C3orf70: variants seen among roughly 807,000 people sequenced by gnomAD.
C3orf70 encodes the protein chromosome 3 open reading frame 70.
Under a neutral mutation model 20.7 loss-of-function variants are expected in C3orf70, and 15 were observed. The observed-to-expected ratio is 0.72, with a 90% CI of 0.48 to 1.11. The LOEUF is 1.11. C3orf70 is among the 50% of genes most tolerant of loss of function. The pLI is 0.00. For synonymous variants in C3orf70, 161 were observed against 125.7 expected, an observed-to-expected ratio of 1.28 and a Z score of -1.88; for missense variants, 332 against 317.6, an observed-to-expected ratio of 1.05 and a Z score of -0.34.
chr3:185,101,892 T>C (rs1429116968), intron 1 of C3orf70, among the ~76,000 whole-genome samples: 1 of 152,184 alleles, frequency 6.6e-6, no homozygotes, highest in Non-Finnish European at 1.5e-5. Context: ...TGTTAAAAAC[T>C]CTCAATTAAC....
rs1190236337 is a variant in C3orf70, at chr3:185,083,210, G to A, written c.550C>T (p.Pro184Ser). 1.2e-6 allele frequency: 2 copies of A among 1,614,196 alleles called. No individual in the cohort carries two copies. Among genetic ancestry groups the A allele is most frequent in the African/African-American group, 1.3e-5 (1 of 75,044 alleles). Residue 184 changes from proline to serine, a missense_variant, in exon 2 of 2, where the codon CCC becomes TCC. Physicochemically the swap from Pro to Ser is moderately conservative, Grantham distance 74 (BLOSUM62 -1). Coordinates refer to ENST00000335012, the MANE Select transcript of C3orf70 (RefSeq NM_001025266.3). ...NTPKIDHCSS[P>S]SSSEDSGINA... ...ATCCCAGAGTCCTCAGAACTTGAGG[G>A]AGAAGAGCAGTGATCTATTTTTGGT...
chr3:185,148,158 C>T (rs1053195779), intron 1 of C3orf70, among the ~76,000 whole-genome samples: 1 of 152,250 alleles, frequency 6.6e-6, no homozygotes, highest in African/African-American at 2.4e-5. Flanking sequence ...GGTGCTCACG[C>T]TTCATCACAG....
At chr3:185,139,182 G>A (rs1231270257) in intron 1 of C3orf70, among the ~76,000 whole-genome samples, 1 of 136,296 alleles carries the variant, frequency 7.3e-6, no homozygotes, top group Non-Finnish European at 1.7e-5. Flanking sequence ...GGAGGAGAAG[G>A]GGAGAGGGGG....
intron 1 of C3orf70, among the ~76,000 whole-genome samples, chr3:185,150,205 A>T (rs1357820818): frequency 6.6e-6 from 1 of 152,208 alleles, no homozygotes; most frequent in Non-Finnish European, 1.5e-5. Flanking sequence ...CATAACTAAC[A>T]AGTGCTCATT....
Position 185,083,495 on chromosome 3 carries a change from G to A in C3orf70, c.265C>T (p.Arg89Trp), listed in dbSNP as rs558605400. 3.1e-6 allele frequency: 5 copies of A among 1,613,688 alleles called. No homozygotes were observed. The highest frequency in any genetic ancestry group is 2.2e-5 in the South Asian group (2 of 90,940). Residue 89 changes from arginine to tryptophan, a missense_variant, in exon 2 of 2, where the codon CGG becomes TGG. By Grantham distance (101) the Arg-to-Trp change is moderately radical (BLOSUM62 -3). Transcript: ENST00000335012. ...LPSTEIPARP[R>W]EPTNTIQISV... ...ATCTGAATGGTGTTTGTGGGTTCCCGAGGCCTGGCAGGAATCTCAGTGCTT... is the reference window on the plus strand; with the variant it reads ...ATCTGAATGGTGTTTGTGGGTTCCCAAGGCCTGGCAGGAATCTCAGTGCTT...
At chr3:185,092,091 GC>G (rs1205388970) in intron 1 of C3orf70, among the ~76,000 whole-genome samples, 1 of 150,096 alleles carries the variant, frequency 6.7e-6, no homozygotes, top group Non-Finnish European at 1.5e-5. Context: ...GAGCCACTGT[GC>G]CCGGCCTGTT....
intron 1 of C3orf70, among the ~76,000 whole-genome samples, chr3:185,086,553 CT>C (rs112567419): frequency 0.024 from 3,697 of 152,290 alleles, 125 homozygotes; most frequent in African/African-American, 0.084. Context: ...CAGACACTGA[CT>C]TCTGCCTCAC....
intron 1 of C3orf70, among the ~76,000 whole-genome samples, chr3:185,121,671 T>C (rs562142601): frequency 2.6e-5 from 4 of 152,022 alleles, no homozygotes; most frequent in South Asian, 2.1e-4. Flanking sequence ...ACATGTGAAG[T>C]TGGAGAAGTA....
At chr3:185,110,035 C>T (rs141955984) in intron 1 of C3orf70, among the ~76,000 whole-genome samples, 38 of 152,286 alleles carry the variant, frequency 2.5e-4, no homozygotes, top group Middle Eastern at 6.8e-3. Flanking sequence ...CTGAACAAAA[C>T]GGTCGGATGG....
At chr3:185,102,954 G>A (rs1469329539) in intron 1 of C3orf70, among the ~76,000 whole-genome samples, 2 of 152,160 alleles carry the variant, frequency 1.3e-5, no homozygotes, top group Admixed American at 6.5e-5. Flanking sequence ...AAAAACCCTG[G>A]AAGACGGCCA....
Position 185,077,789 on chromosome 3 carries a change from TGG to T in C3orf70, c.*5216_*5217del, listed in dbSNP as rs10663284. 1.1e-4 allele frequency among the ~76,000 whole-genome samples: 14 copies of T among 124,180 alleles called. No individual in the cohort carries two copies. Among genetic ancestry groups the T allele is most frequent in the Admixed American group, 4.2e-4 (5 of 11,994 alleles). The allele number at this position is 124,180 out of a possible 152,430, so 81.5% of individuals were successfully genotyped here. ...TGAAATAAATGCTATTTGGTGGTGG[TGG>T]GGGGGGGGTATCAAGTTTTATTTGC... On this transcript the variant is annotated 3_prime_UTR_variant, in exon 2 of 2. Coordinates refer to ENST00000335012, the MANE Select transcript of C3orf70 (RefSeq NM_001025266.3).
chr3:185,149,190 C>T (rs1423492717), intron 1 of C3orf70, among the ~76,000 whole-genome samples: 1 of 152,064 alleles, frequency 6.6e-6, no homozygotes, highest in South Asian at 2.1e-4. Context: ...GTCAGGAGTT[C>T]GAGACCAGCC....
At chr3:185,148,885 A>G (rs185087271) in intron 1 of C3orf70, among the ~76,000 whole-genome samples, 1 of 152,320 alleles carries the variant, frequency 6.6e-6, no homozygotes, top group Admixed American at 6.5e-5. Context: ...TATGTCTTTT[A>G]TGGACATGTA....
At chr3:185,094,958 C>A (rs1715671612) in intron 1 of C3orf70, among the ~76,000 whole-genome samples, 3 of 152,156 alleles carry the variant, frequency 2.0e-5, no homozygotes, top group Admixed American at 6.5e-5. Flanking sequence ...TGTCTGCACT[C>A]TGCAGTGTAG....
In C3orf70 at chr3:185,080,761, GC is replaced by G. The variant is rs1715319161; in HGVS notation, c.*2245del. 1 of 151,970 alleles carries G rather than the reference GC, an allele frequency of 6.6e-6. No homozygotes were observed. The highest frequency in any genetic ancestry group is 2.1e-4 in the South Asian group (1 of 4,804). The allele number at this position is 151,970 out of a possible 1,614,324, so 9.4% of individuals were successfully genotyped here. A position where few individuals can be genotyped will look rare whatever the true frequency, so the allele number is the denominator to read the frequency against. On this transcript the variant is annotated 3_prime_UTR_variant, in exon 2 of 2. Coordinates refer to ENST00000335012, the MANE Select transcript of C3orf70 (RefSeq NM_001025266.3). ...CATCAGATGTCCCTGTGCCACCTGAGCCATGCCCTGGCAGGGGGAAGCTCCT... is the reference window on the plus strand; with the variant it reads ...CATCAGATGTCCCTGTGCCACCTGAGCATGCCCTGGCAGGGGGAAGCTCCT...
At chr3:185,144,527 A>G (rs1281707464) in intron 1 of C3orf70, among the ~76,000 whole-genome samples, 1 of 152,202 alleles carries the variant, frequency 6.6e-6, no homozygotes, top group Non-Finnish European at 1.5e-5. Flanking sequence ...GCTGGAGTGC[A>G]GTGGCACAAT....
At chr3:185,094,555 C>A (rs1444110585) in intron 1 of C3orf70, among the ~76,000 whole-genome samples, 1 of 151,948 alleles carries the variant, frequency 6.6e-6, no homozygotes, top group Non-Finnish European at 1.5e-5. Context: ...AGCTATTCTG[C>A]TGAATAAACC....
At chr3:185,139,130 G>C (rs1716689681) in intron 1 of C3orf70, among the ~76,000 whole-genome samples, 1 of 151,242 alleles carries the variant, frequency 6.6e-6, no homozygotes, top group Non-Finnish European at 1.5e-5. Context: ...AGCAGGAGGG[G>C]GAGCGGGAGG....
In C3orf70 at chr3:185,078,241, G is replaced by C. The variant is rs1715240836; in HGVS notation, c.*4766C>G. The C allele has an allele frequency of 2.0e-5, 3 of 152,590 alleles. No homozygotes were observed. The highest frequency in any genetic ancestry group is 7.2e-5 in the African/African-American group (3 of 41,410). The allele number at this position is 152,590 out of a possible 1,614,324, so 9.5% of individuals were successfully genotyped here. A position where few individuals can be genotyped will look rare whatever the true frequency, so the allele number is the denominator to read the frequency against. Reference sequence around the variant, plus strand: ...ATAGCAGAGTAAGTGAATATTGCCAGGTATGAACAGCCTTAAAAAGTGAGG... The same window carrying C: ...ATAGCAGAGTAAGTGAATATTGCCACGTATGAACAGCCTTAAAAAGTGAGG... On this transcript the variant is annotated 3_prime_UTR_variant, in exon 2 of 2. Coordinates refer to ENST00000335012, the MANE Select transcript of C3orf70 (RefSeq NM_001025266.3).
Sources: gnomAD v4.1 joint callset for allele counts (sites outside exome capture counted in the v4.1 genomes callset) on GRCh38, gnomAD v4.1.1 for gene constraint, MANE v1.5 for transcripts, NCBI Gene and HGNC (gene_info 2026-07-23, HGNC 2026-07-21) for gene names.